Variants in SLCO1A2 observed in about 807,000 individuals in gnomAD.
SLCO1A2 encodes the protein solute carrier organic anion transporter family member 1A2.
Under a neutral mutation model 69.0 loss-of-function variants are expected in SLCO1A2, and 67 were observed. The observed-to-expected ratio is 0.97, with a 90% CI of 0.80 to 1.19. The LOEUF is 1.19. SLCO1A2 is among the 50% of genes most tolerant of loss of function. The probability of loss-of-function intolerance (pLI) is 0.00; values close to 1 mark genes in which losing one functional copy is unlikely to be tolerated. For synonymous variants in SLCO1A2, 260 were observed against 265.9 expected (o/e 0.98, Z 0.22); for missense variants, 787 against 793.7 (o/e 0.99, Z 0.10).
intron 4 of SLCO1A2, among the ~76,000 whole-genome samples, chr12:21,310,778 T>G (rs1190555730): frequency 1.3e-5 from 2 of 152,184 alleles, no homozygotes; most frequent in Non-Finnish European, 2.9e-5. Flanking sequence ...CATTTTTTTG[T>G]GTTTTTAGTA....
At chr12:21,365,092 G>C (rs1017489131) in intron 2 of SLCO1A2, among the ~76,000 whole-genome samples, 1 of 151,912 alleles carries the variant, frequency 6.6e-6, no homozygotes, top group Non-Finnish European at 1.5e-5. Flanking sequence ...TTGCCAATAC[G>C]ATCCTAAGCC....
In SLCO1A2 at chr12:21,306,882, C is replaced by T. The variant is rs1949476975; in HGVS notation, c.442G>A (p.Glu148Lys). ...AAATCAATACAATGAAGTAGACAAC[C>T]TGATGGATCCTGCGTTGGTCTTAAA... ...QILRPTQDPS[E>K]CTKEVKSLMW... The change falls in exon 5 of 15, where the codon GAG becomes AAG. Residue 148 changes from glutamate (E) to lysine (K), a missense_variant and splice_region_variant. By Grantham distance (56) the Glu-to-Lys change is moderately conservative. Coordinates refer to ENST00000683939, the MANE Select transcript of SLCO1A2 (RefSeq NM_001386879.1). The T allele has an allele frequency of 6.2e-7, 1 of 1,610,054 alleles. No individual in the cohort carries two copies. The highest frequency in any genetic ancestry group is 8.5e-7 in the Non-Finnish European group (1 of 1,176,644).
intron 1 of SLCO1A2, among the ~76,000 whole-genome samples, chr12:21,387,656 C>T (rs1215934534): frequency 6.6e-6 from 1 of 152,188 alleles, no homozygotes; most frequent in African/African-American, 2.4e-5. Flanking sequence ...GTTGTAAGGG[C>T]AGGGCCCTCA....
chr12:21,287,200 G>A (rs2136246492), intron 12 of SLCO1A2, among the ~76,000 whole-genome samples: 2 of 144,970 alleles, frequency 1.4e-5, no homozygotes, highest in African/African-American at 5.2e-5. Context: ...AGTGGGCAAA[G>A]GACATGAACA....
chr12:21,337,660 A>G (rs1952938148), upstream of SLCO1A2, among the ~76,000 whole-genome samples: 1 of 151,996 alleles, frequency 6.6e-6, no homozygotes, highest in Non-Finnish European at 1.5e-5. Flanking sequence ...ATTTCAACCA[A>G]TACTAATCCA....
chr12:21,317,230 G>T (rs1950989532), intron 3 of SLCO1A2, among the ~76,000 whole-genome samples: 1 of 152,008 alleles, frequency 6.6e-6, no homozygotes, highest in African/African-American at 2.4e-5. Context: ...GCCATAGCAG[G>T]CACACAAAGC....
chr12:21,394,548 AACACACGCAC>A (rs1565529477), intron 1 of SLCO1A2, among the ~76,000 whole-genome samples: 1 of 104,768 alleles, frequency 9.5e-6, no homozygotes, highest in Non-Finnish European at 2.1e-5. Context: ...TCTCAAAAAT[AACACACGCAC>A]ACACACACAC....
chr12:21,412,526 T>G (rs1361147303), intron 1 of SLCO1A2, among the ~76,000 whole-genome samples: 1 of 152,226 alleles, frequency 6.6e-6, no homozygotes, highest in Non-Finnish European at 1.5e-5. Flanking sequence ...TGTAGTCTAT[T>G]AATGTGATTA....
intron 4 of SLCO1A2, among the ~76,000 whole-genome samples, chr12:21,307,496 A>T (rs1379707350): frequency 6.6e-6 from 1 of 152,150 alleles, no homozygotes; most frequent in Non-Finnish European, 1.5e-5. Context: ...AAAAACCAAA[A>T]TATTTGTCCA....
At chr12:21,416,874 A>G (rs558278430) in intron 1 of SLCO1A2, among the ~76,000 whole-genome samples, 1 of 152,326 alleles carries the variant, frequency 6.6e-6, no homozygotes, top group Admixed American at 6.5e-5. Flanking sequence ...TGCAGCAAAA[A>G]TGGGGAGCAA....
chr12:21,357,622 T>C (rs1332065742), intron 2 of SLCO1A2, among the ~76,000 whole-genome samples: 1 of 152,208 alleles, frequency 6.6e-6, no homozygotes, highest in Non-Finnish European at 1.5e-5. Flanking sequence ...ATGCTCTAAG[T>C]ATTATTGAAT....
chr12:21,302,983 C>T (rs927453454), intron 6 of SLCO1A2, among the ~76,000 whole-genome samples: 2 of 152,192 alleles, frequency 1.3e-5, no homozygotes, highest in Non-Finnish European at 2.9e-5. Context: ...TGAGCCACCA[C>T]ACCTGGTCAA....
chr12:21,404,634 C>G (rs1390548894), intron 1 of SLCO1A2, among the ~76,000 whole-genome samples: 1 of 152,120 alleles, frequency 6.6e-6, no homozygotes, highest in Non-Finnish European at 1.5e-5. Context: ...TCCAGTCTAT[C>G]ACTGATGGGC....
intron 2 of SLCO1A2, among the ~76,000 whole-genome samples, chr12:21,355,625 G>A (rs1228005057): frequency 6.6e-6 from 1 of 152,158 alleles, no homozygotes; most frequent in Non-Finnish European, 1.5e-5. Context: ...ATTCTGTATA[G>A]TGGCAATGCA....
At chr12:21,366,837 TA>T (rs1939426180) in intron 2 of SLCO1A2, among the ~76,000 whole-genome samples, 1 of 151,774 alleles carries the variant, frequency 6.6e-6, no homozygotes. Flanking sequence ...AGAAGTTAAA[TA>T]ATTAAAGAGA....
intron 2 of SLCO1A2, among the ~76,000 whole-genome samples, chr12:21,351,434 G>C (rs1335174729): frequency 2.0e-5 from 3 of 151,970 alleles, no homozygotes; most frequent in African/African-American, 7.2e-5. Context: ...CATACATTTG[G>C]TGCCTTGCAT....
At chr12:21,306,847 C>T (rs368086524) in intron 5 of SLCO1A2, 35 bp downstream of exon 5, 9 of 1,433,812 alleles carry the variant, frequency 6.3e-6, no homozygotes, top group South Asian at 1.2e-5. Context: ...GTTATAAGTT[C>T]GCTGAACAAA....
chr12:21,273,136 T>C lies in SLCO1A2; in HGVS notation c.1793+1333A>G, dbSNP rs148585176. On this transcript the variant is annotated intron_variant, in intron 14 of 14. Transcript: ENST00000683939. Reference sequence around the variant, plus strand: ...GACAGAGGGAGAACCCAGGTAAACATTGTACACACAGTGAATTTGGGCTGC... The same window carrying C: ...GACAGAGGGAGAACCCAGGTAAACACTGTACACACAGTGAATTTGGGCTGC... Among the ~76,000 whole-genome samples, 387 of 152,256 alleles carry C rather than the reference T, an allele frequency of 2.5e-3. 1 individual carries two copies. Among genetic ancestry groups the C allele is most frequent in the African/African-American group, 8.8e-3 (367 of 41,558 alleles).
intron 1 of SLCO1A2, among the ~76,000 whole-genome samples, chr12:21,389,268 G>A (rs190318205): frequency 6.6e-6 from 1 of 152,218 alleles, no homozygotes; most frequent in East Asian, 1.9e-4. Flanking sequence ...GTTTGTATCT[G>A]GAAATTAGCC....
Sources: allele counts gnomAD v4.1 joint callset (sites outside exome capture counted in the v4.1 genomes callset), GRCh38; gene constraint gnomAD v4.1.1; transcripts MANE v1.5; gene names NCBI Gene and HGNC (gene_info 2026-07-23, HGNC 2026-07-21).